NCKAP5: variants seen among roughly 807,000 people sequenced by gnomAD.
NCKAP5 encodes the protein nck-associated protein 5.
NCKAP5 carries 92 observed loss-of-function variants against 167.0 expected under a neutral mutation model. That is an observed-to-expected ratio of 0.55 (90% confidence interval 0.47 to 0.66). The LOEUF is 0.66. NCKAP5 is among the 30% of genes least tolerant of loss of function. The pLI, the probability that NCKAP5 is intolerant of heterozygous loss-of-function variation, is 0.00. For missense variants in NCKAP5, 2,378 were observed against 2,315.0 expected (o/e 1.03, Z -0.56); for synonymous variants, 891 against 877.4 (o/e 1.02, Z -0.27).
chr2:133,275,424 CTCGCACGAAA>C (rs2089684397), intron 4 of NCKAP5, among the ~76,000 whole-genome samples: 1 of 152,050 alleles, frequency 6.6e-6, no homozygotes, highest in Admixed American at 6.6e-5. Context: ...ACACATGGAA[CTCGCACGAAA>C]TCCATTATAT....
intron 3 of NCKAP5, among the ~76,000 whole-genome samples, chr2:133,342,520 G>A (rs1183770689): frequency 6.6e-6 from 1 of 152,144 alleles, no homozygotes; most frequent in African/African-American, 2.4e-5. Context: ...AGTCAGAGAG[G>A]CCTGGGCAGT....
chr2:133,407,101 A>T (rs1048344975), intron 3 of NCKAP5, among the ~76,000 whole-genome samples: 1 of 152,244 alleles, frequency 6.6e-6, no homozygotes, highest in Non-Finnish European at 1.5e-5. Context: ...TTGAAAGCCC[A>T]TGAGCCTGAG....
At chr2:133,446,402 T>C (rs1431446567) in intron 3 of NCKAP5, among the ~76,000 whole-genome samples, 1 of 152,250 alleles carries the variant, frequency 6.6e-6, no homozygotes, top group Non-Finnish European at 1.5e-5. Flanking sequence ...GCTTACTGCA[T>C]ACCAGGTGTT....
intron 1 of NCKAP5, among the ~76,000 whole-genome samples, chr2:133,563,423 G>T (rs1688310463): frequency 6.6e-6 from 1 of 151,946 alleles, no homozygotes. Context: ...ACAAAAATTA[G>T]CTGGGTGTGG....
At chr2:133,453,351 A>G (rs986926368) in intron 3 of NCKAP5, among the ~76,000 whole-genome samples, 53 of 152,146 alleles carry the variant, frequency 3.5e-4, no homozygotes, top group African/African-American at 1.3e-3. Context: ...ATAGTTTTAG[A>G]CAGAACTGCA....
At chr2:133,064,981 T>C (rs1050400754) in intron 6 of NCKAP5, among the ~76,000 whole-genome samples, 1 of 152,186 alleles carries the variant, frequency 6.6e-6, no homozygotes, top group Non-Finnish European at 1.5e-5. Context: ...GTTCTAAGCA[T>C]TGGAAGTAAT....
At chr2:133,046,043 G>A (rs1285221116) in intron 6 of NCKAP5, among the ~76,000 whole-genome samples, 1 of 152,178 alleles carries the variant, frequency 6.6e-6, no homozygotes, top group Non-Finnish European at 1.5e-5. Flanking sequence ...AGGCTGGACG[G>A]AGCAGGTTGG....
chr2:133,131,867 G>C (rs559793187), intron 5 of NCKAP5, among the ~76,000 whole-genome samples: 1 of 151,914 alleles, frequency 6.6e-6, no homozygotes, highest in African/African-American at 2.4e-5. Flanking sequence ...ATACACAATT[G>C]ACATTCCTCT....
the NCKAP5 span, among the ~76,000 whole-genome samples, chr2:133,615,791 C>A: frequency 6.6e-6 from 1 of 152,084 alleles, no homozygotes; most frequent in Non-Finnish European, 1.5e-5. Context: ...CAGCTCTGCA[C>A]CAAGTGGAAC....
chr2:133,397,710 C>T (rs1195977883), intron 3 of NCKAP5, among the ~76,000 whole-genome samples: 1 of 152,192 alleles, frequency 6.6e-6, no homozygotes, highest in African/African-American at 2.4e-5. Flanking sequence ...TATCATAATT[C>T]TTTAGCAGAT....
At chr2:132,935,759 G>A (rs1221277291) in intron 8 of NCKAP5, among the ~76,000 whole-genome samples, 1 of 152,094 alleles carries the variant, frequency 6.6e-6, no homozygotes, top group African/African-American at 2.4e-5. Context: ...AAGGACCCTT[G>A]CTCACACCTT....
chr2:133,118,181 T>C (rs954143641), intron 6 of NCKAP5: 1 of 152,174 alleles, frequency 6.6e-6, no homozygotes, highest in South Asian at 2.1e-4. Context: ...TATTTTCACA[T>C]GTAACTCTTT....
chr2:133,469,498 C>G (rs1359642231), intron 3 of NCKAP5, among the ~76,000 whole-genome samples: 1 of 151,942 alleles, frequency 6.6e-6, no homozygotes, highest in African/African-American at 2.4e-5. Flanking sequence ...CTTGGAGTTG[C>G]TCTTCTCGAG....
intron 8 of NCKAP5, among the ~76,000 whole-genome samples, chr2:132,952,256 T>TGGAG (rs1558982447): frequency 6.6e-6 from 1 of 152,208 alleles, no homozygotes; most frequent in East Asian, 1.9e-4. Context: ...AGAATATTTA[T>TGGAG]GGAGATTAGT....
intron 16 of NCKAP5, among the ~76,000 whole-genome samples, chr2:132,763,780 A>T (rs1681213269): frequency 6.6e-6 from 1 of 152,138 alleles, no homozygotes; most frequent in Non-Finnish European, 1.5e-5. Context: ...TTCTCTTATC[A>T]GTGATCACAA....
At chr2:132,747,171 CA>C (rs140348727) in intron 16 of NCKAP5, among the ~76,000 whole-genome samples, 28,790 of 124,100 alleles carry the variant, frequency 0.23, 3,277 homozygotes, top group Non-Finnish European at 0.31. Context: ...CTCAGCCTGC[CA>C]AAAAAAAAAA....
chr2:132,763,551 T>C (rs1681191750), intron 16 of NCKAP5, among the ~76,000 whole-genome samples: 1 of 152,164 alleles, frequency 6.6e-6, no homozygotes, highest in African/African-American at 2.4e-5. Flanking sequence ...TAATATGGGG[T>C]GTGATTTTGG....
chr2:132,721,880 G>C (rs1461658023), intron 19 of NCKAP5, among the ~76,000 whole-genome samples: 1 of 152,142 alleles, frequency 6.6e-6, no homozygotes, highest in African/African-American at 2.4e-5. Context: ...CTGTCTTGCT[G>C]TTTGTGCTGC....
At chr2:133,165,967 T>C (rs909325091) in intron 5 of NCKAP5, among the ~76,000 whole-genome samples, 1 of 152,186 alleles carries the variant, frequency 6.6e-6, no homozygotes, top group Non-Finnish European at 1.5e-5. Flanking sequence ...CTCTACGCTG[T>C]GTTCCATGTT....
Sources: allele counts gnomAD v4.1 joint callset (sites outside exome capture counted in the v4.1 genomes callset), GRCh38; gene constraint gnomAD v4.1.1; transcripts MANE v1.5; gene names NCBI Gene and HGNC (gene_info 2026-07-23, HGNC 2026-07-21).